Variants in C10orf90 observed in about 807,000 individuals in gnomAD.
C10orf90 encodes (E2-independent) E3 ubiquitin-conjugating enzyme FATS.
C10orf90 carries 56 observed loss-of-function variants against 62.5 expected under a neutral mutation model. The observed-to-expected ratio is 0.90, with a 90% CI of 0.72 to 1.12. The LOEUF (loss-of-function observed/expected upper bound fraction) is 1.12, where lower values mean the gene tolerates loss of function less well. Among genes scored for constraint, C10orf90 ranks in the 50% most tolerant of loss-of-function variants. The pLI, the probability that C10orf90 is intolerant of heterozygous loss-of-function variation, is 0.00. For missense variants in C10orf90, 970 were observed against 880.4 expected (o/e 1.10, Z -1.29); for synonymous variants, 386 against 340.4 (o/e 1.13, Z -1.47).
Position 126,461,394 on chromosome 10 carries a change from G to A in C10orf90, c.2010+7C>T. On this transcript the variant is annotated splice_region_variant and intron_variant, in intron 6 of 9. Transcript: ENST00000488181. ...GGAATCAAGCCAGGACACACAGAAGGCCTTACTTGCAAGGTCAAAGATCTT... is the reference window on the plus strand; with the variant it reads ...GGAATCAAGCCAGGACACACAGAAGACCTTACTTGCAAGGTCAAAGATCTT... 1 of 1,613,716 alleles carries A rather than the reference G, an allele frequency of 6.2e-7. No individual in the cohort carries two copies. The highest frequency in any genetic ancestry group is 8.5e-7 in the Non-Finnish European group (1 of 1,179,824).
chr10:126,612,091 C>A (rs964825106), intron 2 of C10orf90, among the ~76,000 whole-genome samples: 1 of 152,182 alleles, frequency 6.6e-6, no homozygotes, highest in Non-Finnish European at 1.5e-5. Context: ...GAGGCTGCGG[C>A]GGACAGATCA....
At chr10:126,646,495 A>AAGAGAG (rs139048711) in intron 2 of C10orf90, 70 bp downstream of exon 2, 1 of 310,118 alleles carries the variant, frequency 3.2e-6, no homozygotes, top group East Asian at 1.0e-4. Context: ...ATAAAAATAA[A>AAGAGAG]AGAGAGAGAG....
chr10:126,458,628 G>T (rs769853934), intron 7 of C10orf90, among the ~76,000 whole-genome samples: 2 of 152,172 alleles, frequency 1.3e-5, no homozygotes, highest in African/African-American at 4.8e-5. Context: ...CAGGAAAGGG[G>T]TTTCAAGATG....
chr10:126,577,642 C>T (rs1420229136), intron 2 of C10orf90, among the ~76,000 whole-genome samples: 1 of 152,042 alleles, frequency 6.6e-6, no homozygotes, highest in African/African-American at 2.4e-5. Context: ...AAAATTCAAG[C>T]AGGATTTTTT....
intron 2 of C10orf90, among the ~76,000 whole-genome samples, chr10:126,526,622 C>T (rs1863956743): frequency 6.6e-6 from 1 of 152,034 alleles, no homozygotes; most frequent in South Asian, 2.1e-4. Flanking sequence ...TGCACAATTC[C>T]GTGGTTTTTG....
At chr10:126,633,530 C>T (rs1320031161) in intron 2 of C10orf90, among the ~76,000 whole-genome samples, 2 of 152,184 alleles carry the variant, frequency 1.3e-5, no homozygotes, top group Middle Eastern at 3.2e-3. Context: ...AAGAGTGGCC[C>T]CTCCTGTAGG....
intron 2 of C10orf90, among the ~76,000 whole-genome samples, chr10:126,555,340 A>T (rs952009967): frequency 2.0e-5 from 3 of 152,116 alleles, no homozygotes; most frequent in Admixed American, 2.0e-4. Context: ...AAACTGGAAG[A>T]GGTTGATATA....
rs923868659 is a variant in C10orf90 at position 126,626,831 on chromosome 10, T to C, written c.313+19734A>G. Among the ~76,000 whole-genome samples the C allele has an allele frequency of 3.3e-5, 5 of 152,262 alleles. No homozygotes were observed. The Middle Eastern group carries it at 0.01, about 311-fold the overall frequency. ...TTTTAAGTGAAGGTGTAACTTTCTTTGGGGCTGTCAAAACTTCTCAACTCT... is the reference window on the plus strand; with the variant it reads ...TTTTAAGTGAAGGTGTAACTTTCTTCGGGGCTGTCAAAACTTCTCAACTCT... On this transcript the variant is annotated intron_variant, in intron 2 of 9. Transcript: ENST00000488181.
chr10:126,564,987 AAATATATATTATATATAATATATAT>A (rs1844292537), intron 2 of C10orf90, among the ~76,000 whole-genome samples: 3 of 13,614 alleles, frequency 2.2e-4, no homozygotes, highest in Admixed American at 1.6e-3. Context: ...ATAAAATATA[AAATATATATTATATATAATATATAT>A]AATATATATT....
At chr10:126,606,073 G>C (rs961065892) in intron 2 of C10orf90, among the ~76,000 whole-genome samples, 3 of 152,110 alleles carry the variant, frequency 2.0e-5, no homozygotes, top group Non-Finnish European at 2.9e-5. Context: ...CAATTCAGAG[G>C]CAATGCAGTT....
chr10:126,658,913 A>G (rs2096168578), intron 1 of C10orf90, among the ~76,000 whole-genome samples: 1 of 152,196 alleles, frequency 6.6e-6, no homozygotes, highest in Non-Finnish European at 1.5e-5. Flanking sequence ...TTTTAAAACA[A>G]GGGAATCAGA....
chr10:126,661,436 T>C (rs1846509631), intron 1 of C10orf90, among the ~76,000 whole-genome samples: 1 of 152,204 alleles, frequency 6.6e-6, no homozygotes, highest in East Asian at 1.9e-4. Context: ...CCAAGGTCAC[T>C]CAGCTAGTAA....
intron 7 of C10orf90, among the ~76,000 whole-genome samples, chr10:126,433,066 G>A (rs1228247441): frequency 6.6e-6 from 1 of 152,134 alleles, no homozygotes. Flanking sequence ...GCAGCCAGGT[G>A]GGGAAAGATG....
At chr10:126,434,445 TG>T (rs1262204766) in intron 7 of C10orf90, among the ~76,000 whole-genome samples, 1 of 152,188 alleles carries the variant, frequency 6.6e-6, no homozygotes, top group Non-Finnish European at 1.5e-5. Flanking sequence ...GTAATCTAAA[TG>T]ATAATCAAGT....
At chr10:126,619,262 A>G (rs1377642235) in intron 2 of C10orf90, among the ~76,000 whole-genome samples, 1 of 152,146 alleles carries the variant, frequency 6.6e-6, no homozygotes, top group Non-Finnish European at 1.5e-5. Context: ...GGATAGTCTT[A>G]TGCACGCCCT....
chr10:126,507,622 C>T (rs1205931138), intron 3 of C10orf90, among the ~76,000 whole-genome samples: 3 of 152,070 alleles, frequency 2.0e-5, no homozygotes, highest in South Asian at 4.1e-4. Context: ...TTCCTTGAGG[C>T]TAATGCTGCT....
chr10:126,560,952 C>T (rs1864887544), intron 2 of C10orf90, among the ~76,000 whole-genome samples: 2 of 152,324 alleles, frequency 1.3e-5, no homozygotes, highest in South Asian at 2.1e-4. Flanking sequence ...ATCAGGGAAC[C>T]TGATCTTCTA....
Position 126,451,184 on chromosome 10 carries a change from A to G in C10orf90, c.2188+7856T>C, listed in dbSNP as rs528602164. On this transcript the variant is annotated intron_variant, in intron 7 of 9. Coordinates refer to ENST00000488181, the MANE Select transcript of C10orf90 (RefSeq NM_001350921.2). ...GTATGGCTATTATCAAAGACAAACT[A>G]TAACAAGTGTTGGCAAGAATGTGGA... Among the ~76,000 whole-genome samples the G allele has an allele frequency of 1.9e-4, 29 of 152,352 alleles. No homozygotes were observed. In the South Asian group the frequency reaches 5.4e-3, roughly 28 times the overall value.
At chr10:126,648,520 T>C (rs1846216237) in intron 1 of C10orf90, among the ~76,000 whole-genome samples, 1 of 152,286 alleles carries the variant, frequency 6.6e-6, no homozygotes, top group Admixed American at 6.5e-5. Context: ...AATACTTATA[T>C]AGCCATTATA....
Sources: gnomAD v4.1 joint callset for allele counts (sites outside exome capture counted in the v4.1 genomes callset) on GRCh38, gnomAD v4.1.1 for gene constraint, MANE v1.5 for transcripts, NCBI Gene and HGNC (gene_info 2026-07-23, HGNC 2026-07-21) for gene names.